The following NOPCHAP1 variants were observed in gnomAD, a reference collection of about 807,000 sequenced individuals.
The protein encoded by NOPCHAP1 is DNA damage-sensitive RNA 1.
In NOPCHAP1, 13 loss-of-function variants were observed where a neutral mutation model predicts 14.0. That is an observed-to-expected ratio of 0.93 (90% confidence interval 0.60 to 1.47). The LOEUF (loss-of-function observed/expected upper bound fraction) is 1.47, where lower values mean the gene tolerates loss of function less well. Among genes scored for constraint, NOPCHAP1 ranks in the 40% most tolerant of loss-of-function variants. The pLI, the probability that NOPCHAP1 is intolerant of heterozygous loss-of-function variation, is 0.00. For synonymous variants in NOPCHAP1, 78 were observed against 78.4 expected (o/e 1.00, Z 0.03); for missense variants, 230 against 226.9 (o/e 1.01, Z -0.09).
At position 105,013,965 on chromosome 12, in the gene NOPCHAP1, TG is replaced by T. The variant is rs1226383145; in HGVS notation, c.*19271del. The T allele has an allele frequency of 6.6e-6, 1 of 152,342 alleles. No homozygotes were observed. The highest frequency in any genetic ancestry group is 1.5e-5 in the Non-Finnish European group (1 of 68,134). 9.4% of individuals were successfully genotyped at this position (152,342 alleles called of 1,614,324 possible). ...GCTGCAGACCGGAGTTGTTCCTATT[TG>T]GCCATCTTGCCAGCCAGCCGAGAGA... On this transcript the variant is annotated 3_prime_UTR_variant, in exon 4 of 4. Transcript: ENST00000552951.
intron 1 of NOPCHAP1, among the ~76,000 whole-genome samples, chr12:104,987,724 G>A (rs552983082): frequency 6.6e-6 from 1 of 152,298 alleles, no homozygotes; most frequent in South Asian, 2.1e-4. Flanking sequence ...CAGGGAAGGG[G>A]AAATACCAGG....
intron 1 of NOPCHAP1, among the ~76,000 whole-genome samples, chr12:104,986,749 G>A (rs571472769): frequency 1.3e-5 from 2 of 152,334 alleles, no homozygotes; most frequent in African/African-American, 4.8e-5. Context: ...CCAGGCATCT[G>A]CCCTGCCCTG....
rs903458357 is a variant in NOPCHAP1 at position 104,996,030 on chromosome 12, G to A, written c.*1334G>A. On this transcript the variant is annotated 3_prime_UTR_variant, in exon 4 of 4. Coordinates refer to ENST00000552951, the MANE Select transcript of NOPCHAP1 (RefSeq NM_152318.3). ...TATTTTCTTCATCTATTCCAAGGTT[G>A]GTGCAAATTTCAATTGCTGACCATT... 2.6e-5 allele frequency: 4 copies of A among 151,994 alleles called. No individual in the cohort carries two copies. Among genetic ancestry groups the A allele is most frequent in the African/African-American group, 9.7e-5 (4 of 41,380 alleles). The allele number at this position is 151,994 out of a possible 1,614,324, so 9.4% of individuals were successfully genotyped here.
intron 2 of NOPCHAP1, 152 bp downstream of exon 2, chr12:104,988,405 A>G: frequency 2.0e-6 from 1 of 509,312 alleles, no homozygotes; most frequent in Non-Finnish European, 3.5e-6. Flanking sequence ...AAGTCAGTAC[A>G]CAGAATGGAA....
Position 105,014,403 on chromosome 12 carries a change from A to G in NOPCHAP1, c.*19707A>G, listed in dbSNP as rs1405540547. On this transcript the variant is annotated 3_prime_UTR_variant, in exon 4 of 4. Coordinates refer to ENST00000552951, the MANE Select transcript of NOPCHAP1 (RefSeq NM_152318.3). ...TGCAGTTCATCTGTGAATTTTTTCA[A>G]ATTGTCACAAATCTCCAAAAATGTT... 3.3e-5 allele frequency: 5 copies of G among 152,170 alleles called. No homozygotes were observed. Among genetic ancestry groups the G allele is most frequent in the Non-Finnish European group, 7.4e-5 (5 of 68,026 alleles). The allele number at this position is 152,170 out of a possible 1,614,324, so 9.4% of individuals were successfully genotyped here. A position where few individuals can be genotyped will look rare whatever the true frequency, so the allele number is the denominator to read the frequency against.
At position 105,011,407 on chromosome 12, in the gene NOPCHAP1, C is replaced by CAG. The variant is rs1296873182; in HGVS notation, c.*16711_*16712insAG. The CAG allele has an allele frequency of 6.6e-6, 1 of 152,166 alleles. No individual in the cohort carries two copies. The highest frequency in any genetic ancestry group is 1.9e-4 in the East Asian group (1 of 5,202). 9.4% of individuals were successfully genotyped at this position (152,166 alleles called of 1,614,324 possible). A position where few individuals can be genotyped will look rare whatever the true frequency, so the allele number is the denominator to read the frequency against. On this transcript the variant is annotated 3_prime_UTR_variant, in exon 4 of 4. Transcript: ENST00000552951. Reference sequence around the variant, plus strand: ...AGATGGGTCTCCTGAATACAGCACACTGATGGGTCTTGACTCTTTATCCAG... The same window carrying CAG: ...AGATGGGTCTCCTGAATACAGCACACAGTGATGGGTCTTGACTCTTTATCCAG...
In NOPCHAP1 at chr12:104,986,450, G is replaced by A; in HGVS notation, c.98G>A (p.Gly33Glu). Residue 33 changes from glycine to glutamate, a missense_variant, in exon 1 of 4, where the codon GGA (glycine) becomes GAA (glutamate). Physicochemically the swap from Gly to Glu is moderately conservative, Grantham distance 98. Transcript: ENST00000552951. ...GTGTCCAAGGAGCTGCTGACGGCGG[G>A]AAGCGACGGCCGCGGAGGTGACGGA... is the stretch of plus-strand genomic sequence containing the variant. ...VPVSKELLTAGSDGRGGIWDR... is the reference protein window; with the variant it reads ...VPVSKELLTAESDGRGGIWDR... 6.2e-7 allele frequency: 1 copy of A among 1,604,948 alleles called. No individual in the cohort carries two copies. Among genetic ancestry groups the A allele is most frequent in the Non-Finnish European group, 8.5e-7 (1 of 1,174,750 alleles).
In NOPCHAP1 at chr12:105,001,261, G is replaced by C. The variant is rs1873603609; in HGVS notation, c.*6565G>C. On this transcript the variant is annotated 3_prime_UTR_variant, in exon 4 of 4. Transcript: ENST00000552951. Reference sequence around the variant, plus strand: ...AGCATTGGCCTTCCTACATGATAAAGCTTCTATCCGTCTAGAGAACACAAA... The same window carrying C: ...AGCATTGGCCTTCCTACATGATAAACCTTCTATCCGTCTAGAGAACACAAA... 6.6e-6 allele frequency: 1 copy of C among 152,086 alleles called. No homozygotes were observed. Among genetic ancestry groups the C allele is most frequent in the African/African-American group, 2.4e-5 (1 of 41,422 alleles). The allele number at this position is 152,086 out of a possible 1,614,324, so 9.4% of individuals were successfully genotyped here.
Position 104,996,102 on chromosome 12 carries a change from T to G in NOPCHAP1, c.*1406T>G, listed in dbSNP as rs1873496700. The G allele has an allele frequency of 6.6e-6, 1 of 152,176 alleles. No homozygotes were observed. The highest frequency in any genetic ancestry group is 1.5e-5 in the Non-Finnish European group (1 of 68,050). 9.4% of individuals were successfully genotyped at this position (152,176 alleles called of 1,614,324 possible). On this transcript the variant is annotated 3_prime_UTR_variant, in exon 4 of 4. Coordinates refer to ENST00000552951, the MANE Select transcript of NOPCHAP1 (RefSeq NM_152318.3). ...TATTTATGGGGACTTTTGGGGAAGC[T>G]ATTTGGAAGGCAGGATTGAACCATG... is the stretch of plus-strand genomic sequence containing the variant.
chr12:104,991,053 G>A (rs978097403), intron 2 of NOPCHAP1, among the ~76,000 whole-genome samples: 2 of 152,114 alleles, frequency 1.3e-5, no homozygotes, highest in African/African-American at 4.8e-5. Context: ...CTTATATTCA[G>A]CCAACTCAGT....
At chr12:104,988,439 T>C (rs1466067629) in intron 2 of NOPCHAP1, among the ~76,000 whole-genome samples, 186 bp downstream of exon 2, 1 of 152,208 alleles carries the variant, frequency 6.6e-6, no homozygotes, top group Non-Finnish European at 1.5e-5. Context: ...TTCTCTACTT[T>C]AAGAGGGTAA....
rs1428340884 is a variant in NOPCHAP1 at position 105,016,833 on chromosome 12, T to A, written c.*22137T>A. 6.6e-6 allele frequency: 1 copy of A among 152,148 alleles called. No individual in the cohort carries two copies. Among genetic ancestry groups the A allele is most frequent in the Non-Finnish European group, 1.5e-5 (1 of 68,022 alleles). The allele number at this position is 152,148 out of a possible 1,614,324, so 9.4% of individuals were successfully genotyped here. A position where few individuals can be genotyped will look rare whatever the true frequency, so the allele number is the denominator to read the frequency against. On this transcript the variant is annotated 3_prime_UTR_variant, in exon 4 of 4. Transcript: ENST00000552951. ...TGTTATGGCCTTATATAAAAGTTGTTTTGTTTGTAAGCAGTTTGCCCTACA... is the reference window on the plus strand; with the variant it reads ...TGTTATGGCCTTATATAAAAGTTGTATTGTTTGTAAGCAGTTTGCCCTACA...
rs1470674639 is a variant in NOPCHAP1 at position 104,997,344 on chromosome 12, G to A, written c.*2648G>A. The A allele has an allele frequency of 6.6e-6, 1 of 152,202 alleles. No individual in the cohort carries two copies. Among genetic ancestry groups the A allele is most frequent in the African/African-American group, 2.4e-5 (1 of 41,458 alleles). 9.4% of individuals were successfully genotyped at this position (152,202 alleles called of 1,614,324 possible). On this transcript the variant is annotated 3_prime_UTR_variant, in exon 4 of 4. Coordinates refer to ENST00000552951, the MANE Select transcript of NOPCHAP1 (RefSeq NM_152318.3). ...AGGATCTTATTTCTCCTTTGCTTAT[G>A]AAGCTTAGTTTAGTCAGATATGAAT... is the stretch of plus-strand genomic sequence containing the variant.
At position 104,986,373 on chromosome 12, in the gene NOPCHAP1, C is replaced by G. The variant is rs539464433; in HGVS notation, c.21C>G (p.Pro7=). 3 of 1,610,576 alleles carry G rather than the reference C, an allele frequency of 1.9e-6. No individual in the cohort carries two copies. Among genetic ancestry groups the G allele is most frequent in the Admixed American group, 3.4e-5 (2 of 59,612 alleles). ...GAAGCATGGAGGTCCATGGCAAGCC[C>G]AAGGCTAGCCCGAGTTGTTCGTCGC... MEVHGK[P]KASPSCSSPT... The change falls in exon 1 of 4, where the codon CCC becomes CCG. Residue 7 remains proline, a synonymous_variant. Transcript: ENST00000552951.
chr12:104,993,731 C>T (rs763130570), intron 3 of NOPCHAP1, among the ~76,000 whole-genome samples: 15 of 152,118 alleles, frequency 9.9e-5, no homozygotes, highest in Non-Finnish European at 2.1e-4. Context: ...AAAAACATTC[C>T]TACTTTGTGA....
At chr12:104,994,326 A>G in intron 3 of NOPCHAP1, 152 bp from the exon 4 acceptor site, 1 of 720,976 alleles carries the variant, frequency 1.4e-6, no homozygotes, top group Admixed American at 2.2e-5. Context: ...CAGTCTGGGC[A>G]GCAGAGCAAG....
intron 1 of NOPCHAP1, among the ~76,000 whole-genome samples, chr12:104,987,767 T>G (rs1418162957): frequency 6.6e-6 from 1 of 152,236 alleles, no homozygotes; most frequent in East Asian, 1.9e-4. Flanking sequence ...AAACAAATGC[T>G]TGAAGATCAG....
chr12:104,992,872 A>G (rs1873412340), intron 3 of NOPCHAP1, among the ~76,000 whole-genome samples: 1 of 152,168 alleles, frequency 6.6e-6, no homozygotes, highest in South Asian at 2.1e-4. Flanking sequence ...AGGTCCGTGG[A>G]AGAATTTTCT....
rs1048487437 is a variant in NOPCHAP1, at chr12:105,015,475, C to T, written c.*20779C>T. ...AGTACAGTTGTTATTGTCAGTTTTGCTTTCCATGGTTTCAGCTACCCATAG... is the reference window on the plus strand; with the variant it reads ...AGTACAGTTGTTATTGTCAGTTTTGTTTTCCATGGTTTCAGCTACCCATAG... On this transcript the variant is annotated 3_prime_UTR_variant, in exon 4 of 4. Transcript: ENST00000552951. The T allele has an allele frequency of 2.2e-4, 34 of 152,178 alleles. No individual in the cohort carries two copies. The highest frequency in any genetic ancestry group is 8.2e-4 in the African/African-American group (34 of 41,452). 9.4% of individuals were successfully genotyped at this position (152,178 alleles called of 1,614,324 possible).
Sources: gnomAD v4.1 joint callset for allele counts (sites outside exome capture counted in the v4.1 genomes callset) on GRCh38, gnomAD v4.1.1 for gene constraint, MANE v1.5 for transcripts, NCBI Gene and HGNC (gene_info 2026-07-23, HGNC 2026-07-21) for gene names.